Variants in CCSER1 observed in about 807,000 individuals in gnomAD.
CCSER1 encodes the protein serine-rich coiled-coil domain-containing protein 1.
In CCSER1, 41 loss-of-function variants were observed where a neutral mutation model predicts 82.0. The ratio of observed to expected loss-of-function variants is 0.50; its 90% confidence interval spans 0.39 to 0.65. The LOEUF (loss-of-function observed/expected upper bound fraction) is 0.65. Among genes scored for constraint, CCSER1 ranks in the 30% least tolerant of loss-of-function variants. CCSER1 has a pLI of 0.00. For synonymous variants in CCSER1, 414 were observed against 383.9 expected (o/e 1.08, Z -0.92); for missense variants, 1,119 against 1,064.2 (o/e 1.05, Z -0.72).
chr4:91,162,731 G>T (rs544738353), intron 10 of CCSER1, among the ~76,000 whole-genome samples: 1 of 152,268 alleles, frequency 6.6e-6, no homozygotes, highest in African/African-American at 2.4e-5. Flanking sequence ...GGTGTTTATA[G>T]TATCCTCTGA....
chr4:91,532,716 A>G (rs560782962), intron 10 of CCSER1, among the ~76,000 whole-genome samples: 1 of 152,108 alleles, frequency 6.6e-6, no homozygotes, highest in African/African-American at 2.4e-5. Flanking sequence ...AAAAATATGA[A>G]AATTAGATGG....
chr4:90,239,457 T>C lies in CCSER1; in HGVS notation c.-41-68787T>C, dbSNP rs184939456. ...TATTCAAAATAACTCATTTACTTGA[T>C]ACTGTAATGTGTAGTCAACTGATTT... is the stretch of plus-strand genomic sequence containing the variant. On this transcript the variant is annotated intron_variant, in intron 1 of 10. Coordinates refer to ENST00000509176, the MANE Select transcript of CCSER1 (RefSeq NM_001145065.2). 3.5e-3 allele frequency among the ~76,000 whole-genome samples: 534 copies of C among 152,302 alleles called. 2 individuals carry two copies. The highest frequency in any genetic ancestry group is 6.3e-3 in the Non-Finnish European group (431 of 68,034).
intron 7 of CCSER1, among the ~76,000 whole-genome samples, chr4:90,727,033 A>G (rs1280204135): frequency 6.6e-6 from 1 of 152,136 alleles, no homozygotes; most frequent in East Asian, 1.9e-4. Context: ...AATAAACTCC[A>G]GATTTCCTGG....
At chr4:90,802,223 A>T (rs948804878) in intron 7 of CCSER1, among the ~76,000 whole-genome samples, 78 of 148,776 alleles carry the variant, frequency 5.2e-4, no homozygotes, top group Middle Eastern at 3.6e-3. Context: ...ATCTAAAAAA[A>T]AAATAAATTA....
intron 7 of CCSER1, among the ~76,000 whole-genome samples, chr4:90,800,354 G>T (rs1185034437): frequency 6.6e-6 from 1 of 152,036 alleles, no homozygotes; most frequent in Non-Finnish European, 1.5e-5. Flanking sequence ...CTTCCGCCTT[G>T]TCTTCCCAAA....
intron 10 of CCSER1, among the ~76,000 whole-genome samples, chr4:91,284,927 C>A (rs149865285): frequency 2.0e-5 from 3 of 151,834 alleles, no homozygotes; most frequent in Non-Finnish European, 4.4e-5. Flanking sequence ...ATAAAGCTGC[C>A]CCAACAATGA....
intron 10 of CCSER1, among the ~76,000 whole-genome samples, chr4:91,390,024 C>T (rs1430624064): frequency 6.6e-6 from 1 of 152,042 alleles, no homozygotes; most frequent in East Asian, 1.9e-4. Context: ...GTGACAAAGA[C>T]AGTTTTATTT....
intron 10 of CCSER1, among the ~76,000 whole-genome samples, chr4:91,149,517 C>T (rs1358191140): frequency 6.6e-6 from 1 of 152,070 alleles, no homozygotes; most frequent in East Asian, 1.9e-4. Flanking sequence ...CTTTTGTTGC[C>T]ATTGCTTTTG....
chr4:91,423,460 G>GA (rs2149385572), intron 10 of CCSER1, among the ~76,000 whole-genome samples: 1 of 151,934 alleles, frequency 6.6e-6, no homozygotes, highest in Admixed American at 6.6e-5. Flanking sequence ...GTTAACGGTA[G>GA]AAAAAGAATA....
chr4:90,527,198 AT>A (rs1773884393), intron 5 of CCSER1, among the ~76,000 whole-genome samples: 1 of 152,214 alleles, frequency 6.6e-6, no homozygotes, highest in African/African-American at 2.4e-5. Flanking sequence ...CAATCTATCC[AT>A]CTGACAAAGG....
At chr4:90,372,605 C>T (rs1388105607) in intron 3 of CCSER1, among the ~76,000 whole-genome samples, 5 of 152,020 alleles carry the variant, frequency 3.3e-5, no homozygotes, top group African/African-American at 1.2e-4. Context: ...CAAAATTTAG[C>T]CGGGCCTGGT....
At chr4:90,515,078 G>A (rs1012610393) in intron 5 of CCSER1, among the ~76,000 whole-genome samples, 1 of 151,932 alleles carries the variant, frequency 6.6e-6, no homozygotes, top group Admixed American at 6.6e-5. Context: ...GGCTGGTCTC[G>A]AACTCCTGAC....
At chr4:90,750,535 C>T (rs1340331656) in intron 7 of CCSER1, among the ~76,000 whole-genome samples, 1 of 152,098 alleles carries the variant, frequency 6.6e-6, no homozygotes, top group Non-Finnish European at 1.5e-5. Flanking sequence ...ATTTGCTTTC[C>T]AGTGTATGCG....
chr4:90,785,800 T>C (rs4597790), intron 7 of CCSER1, among the ~76,000 whole-genome samples: 89,534 of 151,962 alleles, frequency 0.59, 26,718 homozygotes, highest in African/African-American at 0.68. Flanking sequence ...TGTTTTTTAA[T>C]TTAATGAACA....
chr4:91,005,158 C>A (rs762763400), intron 9 of CCSER1, among the ~76,000 whole-genome samples: 5 of 152,106 alleles, frequency 3.3e-5, no homozygotes, highest in Admixed American at 6.5e-5. Flanking sequence ...AAATCAATAG[C>A]CCTGAAAGCC....
chr4:90,788,597 G>T (rs1754831912), intron 7 of CCSER1, among the ~76,000 whole-genome samples: 2 of 152,104 alleles, frequency 1.3e-5, no homozygotes, highest in Non-Finnish European at 2.9e-5. Flanking sequence ...AAGGAAACTA[G>T]TCATTGTAAA....
At chr4:90,338,568 T>C (rs972216985) in intron 3 of CCSER1, among the ~76,000 whole-genome samples, 1 of 152,240 alleles carries the variant, frequency 6.6e-6, no homozygotes, top group South Asian at 2.1e-4. Flanking sequence ...ATTGTTTTAC[T>C]CCAGCATAGT....
chr4:91,489,659 G>A lies in CCSER1; in HGVS notation c.2218-108913G>A, dbSNP rs186173625. On this transcript the variant is annotated intron_variant, in intron 10 of 10. Coordinates refer to ENST00000509176, the MANE Select transcript of CCSER1 (RefSeq NM_001145065.2). The stretch of plus-strand genomic sequence containing the variant: ...ATCTCTTAGCTGGGTGTGGTGGCAC[G>A]CACTTGTAATCCCAGCTACTTGGGA... 6.8e-4 allele frequency among the ~76,000 whole-genome samples: 104 copies of A among 152,132 alleles called. 1 individual carries two copies. The South Asian group carries it at 0.018, about 27-fold the overall frequency.
intron 10 of CCSER1, among the ~76,000 whole-genome samples, chr4:91,225,943 C>A (rs1331747621): frequency 6.6e-6 from 1 of 151,848 alleles, no homozygotes; most frequent in Non-Finnish European, 1.5e-5. Flanking sequence ...AACATATGGT[C>A]TGAATAAGGG....
Sources: allele counts gnomAD v4.1 joint callset (sites outside exome capture counted in the v4.1 genomes callset), GRCh38; gene constraint gnomAD v4.1.1; transcripts MANE v1.5; gene names NCBI Gene and HGNC (gene_info 2026-07-23, HGNC 2026-07-21).